Variants in SGCD observed in about 807,000 individuals in gnomAD.
SGCD encodes delta-sarcoglycan.
A neutral mutation model predicts 36.6 loss-of-function variants in SGCD; 18 were observed. That is an observed-to-expected ratio of 0.49 (90% CI 0.34 to 0.73). SGCD has a LOEUF of 0.73. Among genes scored for constraint, SGCD ranks in the 30% least tolerant of loss-of-function variants. The probability of loss-of-function intolerance (pLI) is 0.01; values close to 1 mark genes in which losing one functional copy is unlikely to be tolerated. For missense variants in SGCD, 387 were observed against 346.7 expected (o/e 1.12, Z -0.92); for synonymous variants, 133 against 130.6 (o/e 1.02, Z -0.12).
intron 1 of SGCD, among the ~76,000 whole-genome samples, chr5:155,970,878 C>G (rs563456670): frequency 6.6e-6 from 1 of 152,232 alleles, no homozygotes; most frequent in South Asian, 2.1e-4. Context: ...TTTCACCAAA[C>G]AGGATTTTAT....
intron 3 of SGCD, among the ~76,000 whole-genome samples, chr5:156,382,961 T>A (rs1227188410): frequency 2.0e-5 from 3 of 152,220 alleles, no homozygotes; most frequent in African/African-American, 4.8e-5. Context: ...ATTGTTTGCA[T>A]CCTTAGCAAC....
chr5:156,707,581 T>C (rs1754797663), intron 7 of SGCD, among the ~76,000 whole-genome samples: 1 of 152,136 alleles, frequency 6.6e-6, no homozygotes, highest in African/African-American at 2.4e-5. Context: ...GTGTTCCTTG[T>C]TTATGAAAAC....
chr5:156,605,945 G>C (rs915058124), intron 6 of SGCD, among the ~76,000 whole-genome samples: 1 of 152,078 alleles, frequency 6.6e-6, no homozygotes, highest in African/African-American at 2.4e-5. Flanking sequence ...CTGGATATTA[G>C]CCCTTTGTCA....
chr5:156,448,731 C>CTT (rs1158844774), intron 3 of SGCD, among the ~76,000 whole-genome samples: 5,769 of 76,236 alleles, frequency 0.076, 674 homozygotes, highest in African/African-American at 0.12. Context: ...TTTTCTTTTT[C>CTT]TTTTTTTTTT....
At chr5:156,429,576 GT>G (rs565661518) in intron 3 of SGCD, among the ~76,000 whole-genome samples, 4,658 of 141,466 alleles carry the variant, frequency 0.033, 217 homozygotes, top group African/African-American at 0.11. Flanking sequence ...AAATAGTTTG[GT>G]TTTTTTTTTT....
At chr5:156,178,841 C>G (rs1581149941) in intron 3 of SGCD, among the ~76,000 whole-genome samples, 1 of 152,304 alleles carries the variant, frequency 6.6e-6, no homozygotes, top group South Asian at 2.1e-4. Flanking sequence ...GCTGGGATTA[C>G]AGGTGTGAGC....
chr5:156,079,849 T>C (rs1197071617), intron 1 of SGCD, among the ~76,000 whole-genome samples: 2 of 152,220 alleles, frequency 1.3e-5, no homozygotes, highest in Non-Finnish European at 2.9e-5. Flanking sequence ...CTGGTGGATC[T>C]ACCATTTTGG....
chr5:156,149,778 A>T (rs1762791045), intron 3 of SGCD, among the ~76,000 whole-genome samples: 2 of 152,138 alleles, frequency 1.3e-5, no homozygotes, highest in Non-Finnish European at 2.9e-5. Context: ...TTGTGTATTT[A>T]AGTGAGCCTA....
chr5:155,803,396 G>A, the SGCD span, among the ~76,000 whole-genome samples: 1 of 152,176 alleles, frequency 6.6e-6, no homozygotes, highest in Non-Finnish European at 1.5e-5. Flanking sequence ...GGCCTTTTGA[G>A]AATGAGTTAG....
At chr5:156,631,109 G>T (rs1221897572) in intron 6 of SGCD, among the ~76,000 whole-genome samples, 1 of 152,128 alleles carries the variant, frequency 6.6e-6, no homozygotes, top group Non-Finnish European at 1.5e-5. Flanking sequence ...AATAATGGAA[G>T]ATGTCTAATC....
chr5:156,586,696 T>C (rs1456308575), intron 4 of SGCD, among the ~76,000 whole-genome samples: 1 of 152,262 alleles, frequency 6.6e-6, no homozygotes, highest in Non-Finnish European at 1.5e-5. Flanking sequence ...TGTTGAAAGC[T>C]CTTTCAGTTG....
rs573898665 is a variant in SGCD, at chr5:156,454,955, G to A, written c.193-53646G>A. Among the ~76,000 whole-genome samples, 38 of 152,114 alleles carry A rather than the reference G, an allele frequency of 2.5e-4. No individual in the cohort carries two copies. In the South Asian group the frequency reaches 7.1e-3, roughly 28 times the overall value. Reference sequence around the variant, plus strand: ...GATACACTGTGCATCAGGAAAAGACGACAAGAAGAACCTCCCTTCTGCAAT... The same window carrying A: ...GATACACTGTGCATCAGGAAAAGACAACAAGAAGAACCTCCCTTCTGCAAT... On this transcript the variant is annotated intron_variant, in intron 3 of 8. Transcript: ENST00000337851.
intron 1 of SGCD, among the ~76,000 whole-genome samples, chr5:155,895,569 G>A (rs892902304): frequency 3.3e-5 from 5 of 152,020 alleles, no homozygotes; most frequent in Non-Finnish European, 5.9e-5. Flanking sequence ...AAATGTCCTG[G>A]TGGTAAGTGA....
intron 3 of SGCD, among the ~76,000 whole-genome samples, chr5:156,462,231 T>A (rs1754517437): frequency 6.6e-6 from 1 of 152,188 alleles, no homozygotes; most frequent in Non-Finnish European, 1.5e-5. Flanking sequence ...AACTGTGAAA[T>A]GTTATGTTTC....
chr5:155,766,422 T>C, the SGCD span, among the ~76,000 whole-genome samples: 2 of 152,220 alleles, frequency 1.3e-5, no homozygotes, highest in African/African-American at 4.8e-5. Context: ...CTGGCTTTGA[T>C]AGAAGAATGG....
chr5:156,114,820 A>G (rs1761871848), intron 1 of SGCD, among the ~76,000 whole-genome samples: 1 of 152,160 alleles, frequency 6.6e-6, no homozygotes, highest in Non-Finnish European at 1.5e-5. Flanking sequence ...GCCTTGCCAT[A>G]GGACAGATTC....
At chr5:156,637,650 A>G (rs80220415) in intron 6 of SGCD, among the ~76,000 whole-genome samples, 4,526 of 152,226 alleles carry the variant, frequency 0.03, 211 homozygotes, top group African/African-American at 0.1. Context: ...ATTTAGCTGG[A>G]CATTTTGCTC....
chr5:156,762,387 G>GAAACT lies in SGCD; in HGVS notation c.*2999_*3003dup, dbSNP rs1249276283. Reference sequence around the variant, plus strand: ...GCTCAAGAAGTCATAGAAGTCTTGGGAAACTATTCGAGTATCACAGAGGTT... The same window carrying GAAACT: ...GCTCAAGAAGTCATAGAAGTCTTGGGAAACTAAACTATTCGAGTATCACAGAGGTT... On this transcript the variant is annotated 3_prime_UTR_variant, in exon 9 of 9. Coordinates refer to ENST00000337851, the MANE Select transcript of SGCD (RefSeq NM_000337.6). 1 of 152,562 alleles carries GAAACT rather than the reference G, an allele frequency of 6.6e-6. No individual in the cohort carries two copies. Among genetic ancestry groups the GAAACT allele is most frequent in the Non-Finnish European group, 1.5e-5 (1 of 68,014 alleles). 9.5% of individuals were successfully genotyped at this position (152,562 alleles called of 1,614,324 possible).
chr5:156,229,946 T>G (rs1360246529), intron 3 of SGCD, among the ~76,000 whole-genome samples: 5 of 152,204 alleles, frequency 3.3e-5, no homozygotes, highest in Non-Finnish European at 2.9e-5. Context: ...ACTTGTTCAA[T>G]TCTATTGCTG....
Sources: gnomAD v4.1 joint callset for allele counts (sites outside exome capture counted in the v4.1 genomes callset) on GRCh38, gnomAD v4.1.1 for gene constraint, MANE v1.5 for transcripts, NCBI Gene and HGNC (gene_info 2026-07-23, HGNC 2026-07-21) for gene names.